Variants in KCNT2 observed in about 807,000 individuals in gnomAD.
KCNT2 encodes the protein potassium sodium-activated channel subfamily T member 2, also known as potassium channel subfamily T member 2.
A neutral mutation model predicts 153.8 loss-of-function variants in KCNT2; 67 were observed. The ratio of observed to expected loss-of-function variants is 0.44; its 90% CI spans 0.36 to 0.53. KCNT2 has a LOEUF of 0.53. KCNT2 is among the 20% of genes least tolerant of loss of function. The probability of loss-of-function intolerance (pLI) is 0.00; values close to 1 mark genes in which losing one functional copy is unlikely to be tolerated. For synonymous variants in KCNT2, 500 were observed against 458.8 expected (o/e 1.09, Z -1.15); for missense variants, 975 against 1,354.8 (o/e 0.72, Z 4.40).
chr1:196,520,722 C>T (rs1200114957), intron 1 of KCNT2, among the ~76,000 whole-genome samples: 4 of 151,982 alleles, frequency 2.6e-5, no homozygotes, highest in Admixed American at 2.6e-4. Context: ...CAATAAATGG[C>T]ACTGGAATAA....
At chr1:196,294,517 A>G (rs61659147) in intron 22 of KCNT2, among the ~76,000 whole-genome samples, 52,673 of 151,620 alleles carry the variant, frequency 0.35, 12,968 homozygotes, top group African/African-American at 0.7. Context: ...CTCATGATCC[A>G]CCCGCCTTGG....
intron 13 of KCNT2, among the ~76,000 whole-genome samples, chr1:196,389,598 T>C (rs1195536922): frequency 2.6e-5 from 4 of 151,666 alleles, no homozygotes; most frequent in Non-Finnish European, 5.9e-5. Context: ...GCAGTGTTAG[T>C]AGACAAAGTT....
chr1:196,245,170 G>A (rs1655325428), intron 26 of KCNT2, among the ~76,000 whole-genome samples: 2 of 152,096 alleles, frequency 1.3e-5, no homozygotes, highest in Admixed American at 1.3e-4. Context: ...AGATATGGCT[G>A]CAGTGACCAA....
In KCNT2 at chr1:196,480,574, G is replaced by A. The variant is rs188113002; in HGVS notation, c.325-1336C>T. Among the ~76,000 whole-genome samples, 9 of 151,938 alleles carry A rather than the reference G, an allele frequency of 5.9e-5. No individual in the cohort carries two copies. In the East Asian group the frequency reaches 1.7e-3, roughly 29 times the overall value. ...AAAGTGCTATTTAAAAATGAACATC[G>A]GCCAGGCGCAGTAGTTCACGTCTGT... On this transcript the variant is annotated intron_variant, in intron 4 of 27. Coordinates refer to ENST00000294725, the MANE Select transcript of KCNT2 (RefSeq NM_198503.5).
chr1:196,241,860 A>T (rs1654989027), intron 26 of KCNT2, among the ~76,000 whole-genome samples: 1 of 152,142 alleles, frequency 6.6e-6, no homozygotes, highest in Non-Finnish European at 1.5e-5. Context: ...TGTTTAAAAG[A>T]AAACACAGAT....
chr1:196,262,530 TA>T (rs1333454418), intron 25 of KCNT2, among the ~76,000 whole-genome samples: 2 of 152,142 alleles, frequency 1.3e-5, no homozygotes, highest in East Asian at 3.9e-4. Context: ...AAGTAAAGGT[TA>T]AATTATAAGA....
Position 196,469,087 on chromosome 1 carries a change from TA to T in KCNT2, c.385-20del, listed in dbSNP as rs1677858542. ...TGTTTCCCTTCCAAGAAAGAATGAA[TA>T]AAAACGAAAGTCAATTATACTGCCT... On this transcript the variant is annotated intron_variant, in intron 5 of 27. Transcript: ENST00000294725. 1 of 1,512,832 alleles carries T rather than the reference TA, an allele frequency of 6.6e-7. No individual in the cohort carries two copies. The highest frequency in any genetic ancestry group is 9.1e-7 in the Non-Finnish European group (1 of 1,097,254). The allele number at this position is 1,512,832 out of a possible 1,614,324, so 93.7% of individuals were successfully genotyped here.
At chr1:196,339,528 G>T (rs981551319) in intron 16 of KCNT2, among the ~76,000 whole-genome samples, 1 of 150,494 alleles carries the variant, frequency 6.6e-6, no homozygotes, top group African/African-American at 2.5e-5. Flanking sequence ...CACAGAGAGA[G>T]AGAGAGAGAG....
intron 12 of KCNT2, among the ~76,000 whole-genome samples, chr1:196,410,238 C>T (rs1485364608): frequency 6.6e-6 from 1 of 151,434 alleles, no homozygotes; most frequent in Non-Finnish European, 1.5e-5. Flanking sequence ...CCTTATTAGA[C>T]ATATGGTTTG....
chr1:196,602,932 G>A (rs1448822273), intron 1 of KCNT2, among the ~76,000 whole-genome samples: 1 of 150,620 alleles, frequency 6.6e-6, no homozygotes, highest in East Asian at 2.0e-4. Flanking sequence ...GACTACAGGC[G>A]CCCGCCACCG....
rs1279478650 is a variant in KCNT2 at position 196,227,535 on chromosome 1, G to C, written c.*689C>G. On this transcript the variant is annotated 3_prime_UTR_variant, in exon 28 of 28. Coordinates refer to ENST00000294725, the MANE Select transcript of KCNT2 (RefSeq NM_198503.5). ...TTTTCTTGGCATAAAATATTTGCTAGACATAAAGTTACCAAAAAGTGCAGG... is the reference window on the plus strand; with the variant it reads ...TTTTCTTGGCATAAAATATTTGCTACACATAAAGTTACCAAAAAGTGCAGG... 2 of 152,078 alleles carry C rather than the reference G, an allele frequency of 1.3e-5. No individual in the cohort carries two copies. Among genetic ancestry groups the C allele is most frequent in the Non-Finnish European group, 2.9e-5 (2 of 67,922 alleles). 9.4% of individuals were successfully genotyped at this position (152,078 alleles called of 1,614,324 possible). A position where few individuals can be genotyped will look rare whatever the true frequency, so the allele number is the denominator to read the frequency against.
At chr1:196,456,853 TA>T (rs1249111128) in intron 8 of KCNT2, among the ~76,000 whole-genome samples, 1 of 151,944 alleles carries the variant, frequency 6.6e-6, no homozygotes, top group African/African-American at 2.4e-5. Flanking sequence ...AAAAGTTACC[TA>T]AAAGCCCTGG....
chr1:196,462,807 C>G (rs1290539470), intron 8 of KCNT2, among the ~76,000 whole-genome samples: 1 of 151,686 alleles, frequency 6.6e-6, no homozygotes. Flanking sequence ...ACTTTTATCA[C>G]TTAGTACCAA....
At chr1:196,548,699 T>A (rs1405271079) in intron 1 of KCNT2, among the ~76,000 whole-genome samples, 1 of 151,594 alleles carries the variant, frequency 6.6e-6, no homozygotes, top group Non-Finnish European at 1.5e-5. Flanking sequence ...TAAAGACACA[T>A]GCACACGTAT....
At chr1:196,430,976 G>A (rs1208320697) in intron 8 of KCNT2, among the ~76,000 whole-genome samples, 3 of 152,120 alleles carry the variant, frequency 2.0e-5, no homozygotes, top group South Asian at 2.1e-4. Flanking sequence ...GCTTTAGGAG[G>A]TGATTAAATC....
At chr1:196,403,722 G>C (rs948301854) in intron 12 of KCNT2, among the ~76,000 whole-genome samples, 4 of 151,384 alleles carry the variant, frequency 2.6e-5, no homozygotes, top group Non-Finnish European at 4.4e-5. Context: ...AACCTAAAAT[G>C]GCTTAACAAT....
chr1:196,443,745 C>T (rs1675444726), intron 8 of KCNT2, among the ~76,000 whole-genome samples: 1 of 151,506 alleles, frequency 6.6e-6, no homozygotes, highest in African/African-American at 2.4e-5. Flanking sequence ...TTCTTGCCAA[C>T]CTCATGTCTT....
At chr1:196,405,403 A>G (rs1671745100) in intron 12 of KCNT2, among the ~76,000 whole-genome samples, 1 of 151,498 alleles carries the variant, frequency 6.6e-6, no homozygotes, top group South Asian at 2.1e-4. Flanking sequence ...TTTGCCTAAA[A>G]ATTAAATTAG....
intron 15 of KCNT2, among the ~76,000 whole-genome samples, chr1:196,340,869 G>T (rs1665556617): frequency 6.6e-6 from 1 of 151,560 alleles, no homozygotes; most frequent in Admixed American, 6.6e-5. Flanking sequence ...TTTTACTTTG[G>T]TCAAAAAACA....
Sources: allele counts gnomAD v4.1 joint callset (sites outside exome capture counted in the v4.1 genomes callset), GRCh38; gene constraint gnomAD v4.1.1; transcripts MANE v1.5; gene names NCBI Gene and HGNC (gene_info 2026-07-23, HGNC 2026-07-21).